Variants in OLA1 observed in about 807,000 individuals in gnomAD.
OLA1 encodes the protein obg-like ATPase 1.
In OLA1, 14 loss-of-function variants were observed where a neutral mutation model predicts 48.4. The ratio of observed to expected loss-of-function variants is 0.29; its 90% CI spans 0.19 to 0.45. The LOEUF (loss-of-function observed/expected upper bound fraction) is 0.45, where lower values mean the gene tolerates loss of function less well. OLA1 is among the 20% of genes least tolerant of loss of function. The pLI is 1.00. For synonymous variants in OLA1, 127 were observed against 150.4 expected, an observed-to-expected ratio of 0.84 and a Z score of 1.14; for missense variants, 325 against 467.1, an observed-to-expected ratio of 0.70 and a Z score of 2.80.
intron 7 of OLA1, among the ~76,000 whole-genome samples, chr2:174,083,880 T>C (rs1684911882): frequency 6.6e-6 from 1 of 152,124 alleles, no homozygotes; most frequent in Non-Finnish European, 1.5e-5. Flanking sequence ...ACAGAACTAA[T>C]AAAACTAGAA....
chr2:174,107,422 C>A (rs1422800410), intron 7 of OLA1, among the ~76,000 whole-genome samples: 1 of 152,074 alleles, frequency 6.6e-6, no homozygotes, highest in Admixed American at 6.6e-5. Flanking sequence ...GTTCAATTTA[C>A]CAGTTGGGCA....
At position 174,246,704 on chromosome 2, in the gene OLA1, C is replaced by A; in HGVS notation, c.101+11G>T. On this transcript the variant is annotated intron_variant, in intron 2 of 10. Coordinates refer to ENST00000284719, the MANE Select transcript of OLA1 (RefSeq NM_013341.5). ...AAAATGAAAATCACAAAAGCCCCAA[C>A]GTTCACCTACCCAACATTTGGCAAT... The A allele has an allele frequency of 2.6e-6, 4 of 1,550,630 alleles. No homozygotes were observed. In the Admixed American group the frequency reaches 5.1e-5, roughly 20 times the overall value.
intron 4 of OLA1, among the ~76,000 whole-genome samples, chr2:174,145,765 G>T (rs1418739304): frequency 6.6e-6 from 1 of 152,150 alleles, no homozygotes; most frequent in Non-Finnish European, 1.5e-5. Flanking sequence ...GAGTAATTAT[G>T]TATAAAGTAA....
chr2:174,166,122 TA>T (rs56760276), intron 4 of OLA1, among the ~76,000 whole-genome samples: 19,496 of 143,304 alleles, frequency 0.14, 1,646 homozygotes, highest in Non-Finnish European at 0.2. Context: ...GAGACTCCAT[TA>T]AAAAAAAAAA....
chr2:174,171,488 C>G (rs1687302306), intron 4 of OLA1, among the ~76,000 whole-genome samples: 1 of 151,924 alleles, frequency 6.6e-6, no homozygotes, highest in African/African-American at 2.4e-5. Context: ...GCTCCAAATA[C>G]TTGGAAATAC....
chr2:174,150,176 C>T (rs370190695), intron 4 of OLA1, among the ~76,000 whole-genome samples: 16 of 152,292 alleles, frequency 1.1e-4, no homozygotes, highest in African/African-American at 3.6e-4. Context: ...GAGGGCTCTG[C>T]CCCCACAATG....
intron 4 of OLA1, among the ~76,000 whole-genome samples, chr2:174,211,836 T>G (rs1225724026): frequency 6.6e-6 from 1 of 152,224 alleles, no homozygotes; most frequent in Non-Finnish European, 1.5e-5. Context: ...ACTGACATAC[T>G]GACATATTGA....
intron 5 of OLA1, among the ~76,000 whole-genome samples, chr2:174,132,393 G>A (rs1296168690): frequency 6.6e-6 from 1 of 151,382 alleles, no homozygotes; most frequent in African/African-American, 2.4e-5. Context: ...ATTTCTCTGG[G>A]TTCCTTTTAT....
chr2:174,106,797 C>T (rs1373860342), intron 7 of OLA1, among the ~76,000 whole-genome samples: 5 of 152,102 alleles, frequency 3.3e-5, no homozygotes, highest in African/African-American at 1.2e-4. Flanking sequence ...AATCACCCTC[C>T]AGAATTTCTG....
intron 4 of OLA1, among the ~76,000 whole-genome samples, chr2:174,162,874 G>A (rs1687046510): frequency 6.6e-6 from 1 of 151,946 alleles, no homozygotes; most frequent in Non-Finnish European, 1.5e-5. Context: ...CGAAACTCCT[G>A]TCTCTGCAAA....
At chr2:174,183,412 G>T (rs77104864) in intron 4 of OLA1, among the ~76,000 whole-genome samples, 10,128 of 152,208 alleles carry the variant, frequency 0.067, 458 homozygotes, top group Middle Eastern at 0.11. Flanking sequence ...AGAGAAAACA[G>T]GTGGAAAACA....
At chr2:174,239,714 CAA>C (rs35332033) in intron 2 of OLA1, among the ~76,000 whole-genome samples, 20 of 60,632 alleles carry the variant, frequency 3.3e-4, no homozygotes, top group Admixed American at 8.3e-4. Context: ...CCCATCTCTA[CAA>C]AAAAAAAAAA....
intron 4 of OLA1, among the ~76,000 whole-genome samples, chr2:174,217,349 C>T (rs1688385509): frequency 1.3e-5 from 2 of 152,074 alleles, no homozygotes; most frequent in Admixed American, 1.3e-4. Context: ...CAGGTATGAG[C>T]CACTATACCC....
chr2:174,095,018 T>C (rs1232373042), intron 7 of OLA1, among the ~76,000 whole-genome samples: 1 of 152,252 alleles, frequency 6.6e-6, no homozygotes, highest in Admixed American at 6.5e-5. Context: ...ATTGTTTGTA[T>C]GTCTATACTA....
intron 8 of OLA1, among the ~76,000 whole-genome samples, chr2:174,081,614 T>C (rs764020842): frequency 3.9e-5 from 6 of 152,116 alleles, no homozygotes; most frequent in Admixed American, 3.3e-4. Flanking sequence ...GAAAAAATTA[T>C]GGCAACTGAT....
chr2:174,214,811 A>G (rs1688324378), intron 4 of OLA1, among the ~76,000 whole-genome samples: 1 of 152,156 alleles, frequency 6.6e-6, no homozygotes, highest in African/African-American at 2.4e-5. Flanking sequence ...GCACTTTGGG[A>G]GGCCGAGGTG....
intron 2 of OLA1, among the ~76,000 whole-genome samples, chr2:174,240,734 G>A (rs1438102645): frequency 6.6e-6 from 1 of 151,988 alleles, no homozygotes; most frequent in Admixed American, 6.6e-5. Flanking sequence ...TCTTTAGAAT[G>A]AAAATACTCA....
intron 7 of OLA1, among the ~76,000 whole-genome samples, chr2:174,120,945 T>C (rs1392105567): frequency 1.3e-5 from 2 of 152,182 alleles, no homozygotes; most frequent in African/African-American, 2.4e-5. Flanking sequence ...TATAGTAACA[T>C]TACATGTTAA....
rs116726935 is a variant in OLA1 at position 174,119,550 on chromosome 2, T to G, written c.728+3630A>C. On this transcript the variant is annotated intron_variant, in intron 7 of 10. Transcript: ENST00000284719. ...TATACACTTACTGAGATATAGTAGCTGTAATTTTTATAGGCAGCTCAAGAA... is the reference window on the plus strand; with the variant it reads ...TATACACTTACTGAGATATAGTAGCGGTAATTTTTATAGGCAGCTCAAGAA... 7.9e-3 allele frequency among the ~76,000 whole-genome samples: 1,207 copies of G among 152,220 alleles called. 17 individuals are homozygous for G. The highest frequency in any genetic ancestry group is 0.027 in the African/African-American group (1,138 of 41,562).
Sources: allele counts gnomAD v4.1 joint callset (sites outside exome capture counted in the v4.1 genomes callset), GRCh38; gene constraint gnomAD v4.1.1; transcripts MANE v1.5; gene names NCBI Gene and HGNC (gene_info 2026-07-23, HGNC 2026-07-21).